The following HPSE2 variants were observed in gnomAD, a reference collection of about 807,000 sequenced individuals.
The protein encoded by HPSE2 is inactive heparanase-2.
In HPSE2, 38 loss-of-function variants were observed where a neutral mutation model predicts 60.5. The observed-to-expected ratio is 0.63, with a 90% CI of 0.48 to 0.82. The LOEUF (loss-of-function observed/expected upper bound fraction) is 0.82. HPSE2 is among the 40% of genes least tolerant of loss of function. The probability of loss-of-function intolerance (pLI) is 0.00; values close to 1 mark genes in which losing one functional copy is unlikely to be tolerated. For synonymous variants in HPSE2, 295 were observed against 293.2 expected (o/e 1.01, Z -0.06); for missense variants, 713 against 740.4 (o/e 0.96, Z 0.43).
intron 3 of HPSE2, among the ~76,000 whole-genome samples, chr10:98,802,879 C>A: frequency 6.9e-6 from 1 of 145,846 alleles, no homozygotes; most frequent in Non-Finnish European, 1.5e-5. Context: ...AGTTCTAGAT[C>A]CCTGAGGAAT....
intron 3 of HPSE2, among the ~76,000 whole-genome samples, chr10:98,832,515 T>C (rs142906656): frequency 6.6e-6 from 1 of 152,268 alleles, no homozygotes; most frequent in African/African-American, 2.4e-5. Context: ...AATCTTGAAA[T>C]GTTAAGGGTT....
chr10:98,739,158 T>G (rs2134312221), intron 4 of HPSE2, among the ~76,000 whole-genome samples: 1 of 152,286 alleles, frequency 6.6e-6, no homozygotes, highest in African/African-American at 2.4e-5. Context: ...AAGAATGAGT[T>G]CATGTCCTTT....
At chr10:98,957,266 T>C (rs532174635) in intron 3 of HPSE2, among the ~76,000 whole-genome samples, 29 of 152,306 alleles carry the variant, frequency 1.9e-4, no homozygotes, top group African/African-American at 6.7e-4. Context: ...GAGGATCCAC[T>C]ATCTAGCAGC....
At chr10:98,986,373 A>C (rs1163078313) in intron 3 of HPSE2, among the ~76,000 whole-genome samples, 1 of 151,828 alleles carries the variant, frequency 6.6e-6, no homozygotes, top group East Asian at 1.9e-4. Context: ...GAAACTGAAC[A>C]ACCTGCTCCT....
intron 3 of HPSE2, among the ~76,000 whole-genome samples, chr10:98,876,229 T>TA (rs1266233368): frequency 2.7e-5 from 4 of 150,656 alleles, no homozygotes; most frequent in Non-Finnish European, 4.4e-5. Flanking sequence ...ATTTGAGAAG[T>TA]AAAAAAAAAG....
At chr10:99,052,677 A>G (rs1958018085) in intron 3 of HPSE2, among the ~76,000 whole-genome samples, 1 of 152,134 alleles carries the variant, frequency 6.6e-6, no homozygotes, top group African/African-American at 2.4e-5. Flanking sequence ...GAGCAAAATG[A>G]CACATCACAT....
chr10:99,106,029 A>G (rs568199485), intron 3 of HPSE2, among the ~76,000 whole-genome samples: 1 of 152,258 alleles, frequency 6.6e-6, no homozygotes, highest in East Asian at 1.9e-4. Context: ...ATGTTTTGAT[A>G]TTGAGTAGTA....
At chr10:98,532,041 T>C (rs1342957068) in intron 9 of HPSE2, among the ~76,000 whole-genome samples, 2 of 152,170 alleles carry the variant, frequency 1.3e-5, no homozygotes, top group African/African-American at 4.8e-5. Context: ...CTTATTTCTA[T>C]TTTTTTCATG....
At position 98,458,401 on chromosome 10, in the gene HPSE2, A is replaced by C. The variant is rs1487053210; in HGVS notation, c.*1173T>G. On this transcript the variant is annotated 3_prime_UTR_variant, in exon 12 of 12. Transcript: ENST00000370552. ...TCATCCCCCACTTCACACCTGCCCA[A>C]CTCAGAAGCTTCCTACCTACCATTC... The C allele has an allele frequency of 6.6e-6, 1 of 152,078 alleles. No individual in the cohort carries two copies. The highest frequency in any genetic ancestry group is 6.5e-5 in the Admixed American group (1 of 15,272). The allele number at this position is 152,078 out of a possible 1,614,324, so 9.4% of individuals were successfully genotyped here. A position where few individuals can be genotyped will look rare whatever the true frequency, so the allele number is the denominator to read the frequency against.
intron 4 of HPSE2, among the ~76,000 whole-genome samples, chr10:98,743,335 G>T (rs540914017): frequency 6.6e-6 from 1 of 152,190 alleles, no homozygotes; most frequent in East Asian, 1.9e-4. Context: ...CTTGAAACTA[G>T]CCTCGGTTAA....
chr10:98,707,289 T>C (rs1212616783), intron 5 of HPSE2, among the ~76,000 whole-genome samples: 2 of 152,202 alleles, frequency 1.3e-5, no homozygotes, highest in East Asian at 3.8e-4. Context: ...GTACTAGTCA[T>C]TGATATTAAC....
intron 6 of HPSE2, among the ~76,000 whole-genome samples, chr10:98,659,749 G>C (rs1355658301): frequency 2.2e-5 from 3 of 137,642 alleles, no homozygotes; most frequent in Middle Eastern, 7.6e-3. Context: ...TCTCACCTCA[G>C]AAGAGTCAGT....
intron 9 of HPSE2, among the ~76,000 whole-genome samples, chr10:98,540,916 A>G (rs1163477798): frequency 6.6e-6 from 1 of 152,234 alleles, no homozygotes; most frequent in Non-Finnish European, 1.5e-5. Flanking sequence ...AGACTATAAT[A>G]TAAACTGTAT....
At chr10:99,144,103 G>T (rs929249675) in intron 3 of HPSE2, 135 bp downstream of exon 3, 2 of 891,922 alleles carry the variant, frequency 2.2e-6, no homozygotes, top group African/African-American at 1.7e-5. Flanking sequence ...AAACTACAAG[G>T]AATATTTGTA....
intron 5 of HPSE2, among the ~76,000 whole-genome samples, chr10:98,712,066 A>C (rs990606520): frequency 6.6e-6 from 1 of 152,040 alleles, no homozygotes; most frequent in Non-Finnish European, 1.5e-5. Context: ...TGAGGGAAAG[A>C]AGAGGGAACA....
At chr10:98,611,295 T>C (rs965377191) in intron 9 of HPSE2, among the ~76,000 whole-genome samples, 2 of 152,196 alleles carry the variant, frequency 1.3e-5, no homozygotes, top group African/African-American at 4.8e-5. Flanking sequence ...TCATATTCTC[T>C]CTTACCTTAG....
intron 11 of HPSE2, among the ~76,000 whole-genome samples, chr10:98,475,677 C>T (rs1035186666): frequency 1.3e-5 from 2 of 151,024 alleles, no homozygotes; most frequent in Non-Finnish European, 2.9e-5. Context: ...TTATATACCT[C>T]AAATTAAACA....
At chr10:98,789,323 A>C (rs1436240288) in intron 3 of HPSE2, among the ~76,000 whole-genome samples, 20 of 152,254 alleles carry the variant, frequency 1.3e-4, no homozygotes, top group Admixed American at 1.3e-3. Context: ...TAGTTGGAAC[A>C]GTCGTAGTTG....
At chr10:98,589,715 CA>C (rs1945036344) in intron 9 of HPSE2, among the ~76,000 whole-genome samples, 1 of 152,164 alleles carries the variant, frequency 6.6e-6, no homozygotes, top group Non-Finnish European at 1.5e-5. Context: ...ACCCTGTCAC[CA>C]TCCAGACTGC....
Sources: allele counts gnomAD v4.1 joint callset (sites outside exome capture counted in the v4.1 genomes callset), GRCh38; gene constraint gnomAD v4.1.1; transcripts MANE v1.5; gene names NCBI Gene and HGNC (gene_info 2026-07-23, HGNC 2026-07-21).